Variants in MARCHF1 observed in about 807,000 individuals in gnomAD.
MARCHF1 encodes E3 ubiquitin-protein ligase MARCHF1.
A neutral mutation model predicts 54.2 loss-of-function variants in MARCHF1; 40 were observed. The observed-to-expected ratio is 0.74, with a 90% CI of 0.57 to 0.96. MARCHF1 has a LOEUF of 0.96. Among genes scored for constraint, MARCHF1 ranks in the 40% least tolerant of loss-of-function variants. The pLI is 0.00. For synonymous variants in MARCHF1, 236 were observed against 236.3 expected (o/e 1.00, Z 0.01); for missense variants, 586 against 656.5 (o/e 0.89, Z 1.17).
intron 1 of MARCHF1, chr4:164,197,420 C>A: frequency 2.5e-6 from 4 of 1,613,468 alleles, no homozygotes; most frequent in Non-Finnish European, 3.4e-6. Context: ...GTGCTGAGGT[C>A]TTTAATTTTG....
chr4:164,106,639 A>T (rs1182720131), intron 2 of MARCHF1, among the ~76,000 whole-genome samples: 1 of 149,028 alleles, frequency 6.7e-6, no homozygotes, highest in East Asian at 2.0e-4. Context: ...GGGGGGAGGG[A>T]TAACATCGGG....
chr4:163,836,005 C>A, intron 4 of MARCHF1, among the ~76,000 whole-genome samples: 1 of 152,044 alleles, frequency 6.6e-6, no homozygotes, highest in Non-Finnish European at 1.5e-5. Context: ...AGAAAATGAA[C>A]CGGACTCAGC....
chr4:164,352,673 A>T (rs1461219308), intron 1 of MARCHF1, among the ~76,000 whole-genome samples: 5 of 150,616 alleles, frequency 3.3e-5, no homozygotes, highest in Non-Finnish European at 7.4e-5. Context: ...AAATGTAAAG[A>T]CCATCGAGGC....
At chr4:164,133,864 G>A (rs181887614) in intron 1 of MARCHF1, among the ~76,000 whole-genome samples, 1 of 152,238 alleles carries the variant, frequency 6.6e-6, no homozygotes, top group East Asian at 1.9e-4. Context: ...TAGGTCTGAA[G>A]AGAATCTGAT....
rs992577183 is a variant in MARCHF1 at position 164,143,993 on chromosome 4, G to A, written c.-322-32331C>T. On this transcript the variant is annotated intron_variant, in intron 1 of 9. Coordinates refer to ENST00000514618, the MANE Select transcript of MARCHF1 (RefSeq NM_001394959.1). ...ATGGAAGAAGATCTACCAAGCAAAT[G>A]GAAAACAAAAAGGCAGGGGTTGCAA... 4.6e-5 allele frequency among the ~76,000 whole-genome samples: 7 copies of A among 152,108 alleles called. No individual in the cohort carries two copies. The South Asian group carries it at 6.2e-4, about 14-fold the overall frequency.
chr4:163,866,010 A>G (rs909749275), intron 3 of MARCHF1, among the ~76,000 whole-genome samples: 1 of 151,550 alleles, frequency 6.6e-6, no homozygotes, highest in Admixed American at 6.6e-5. Flanking sequence ...AACCAAAGAG[A>G]TATTTTTATC....
At chr4:163,591,227 C>G (rs1055570752) in intron 7 of MARCHF1, among the ~76,000 whole-genome samples, 2 of 151,896 alleles carry the variant, frequency 1.3e-5, no homozygotes, top group African/African-American at 2.4e-5. Context: ...ATTGCATTCT[C>G]TATATTAAAG....
At chr4:163,725,168 T>A (rs1420574672) in intron 4 of MARCHF1, among the ~76,000 whole-genome samples, 1 of 152,180 alleles carries the variant, frequency 6.6e-6, no homozygotes, top group Non-Finnish European at 1.5e-5. Flanking sequence ...TATTAATTTA[T>A]AATGGCTCTA....
chr4:164,286,919 T>A (rs1734165231), intron 1 of MARCHF1, among the ~76,000 whole-genome samples: 1 of 149,754 alleles, frequency 6.7e-6, no homozygotes, highest in Admixed American at 6.7e-5. Flanking sequence ...AAAGATTACA[T>A]CCATGCTGCA....
At chr4:164,094,846 C>A (rs991509965) in intron 2 of MARCHF1, among the ~76,000 whole-genome samples, 2 of 151,988 alleles carry the variant, frequency 1.3e-5, no homozygotes, top group Non-Finnish European at 2.9e-5. Context: ...CATCTGACTG[C>A]TAAAAGTAAT....
rs1322862680 is a variant in MARCHF1, at chr4:164,349,568, A to G, written c.-323+34302T>C. Among the ~76,000 whole-genome samples, 4 of 152,158 alleles carry G rather than the reference A, an allele frequency of 2.6e-5. No homozygotes were observed. The East Asian group carries it at 7.7e-4, about 29-fold the overall frequency. On this transcript the variant is annotated intron_variant, in intron 1 of 9. Transcript: ENST00000514618. ...GTATTTGTCCAATATTATAGTTTTC[A>G]TGTCCTTTTATGGGAATGCTTCTGG...
chr4:164,366,955 C>T (rs903459596), intron 1 of MARCHF1, among the ~76,000 whole-genome samples: 8 of 151,870 alleles, frequency 5.3e-5, no homozygotes. Flanking sequence ...CAAACCACTG[C>T]AATATTGCAA....
At chr4:163,963,886 G>A (rs1019350867) in intron 3 of MARCHF1, among the ~76,000 whole-genome samples, 2 of 151,868 alleles carry the variant, frequency 1.3e-5, no homozygotes, top group African/African-American at 4.8e-5. Context: ...TCCAACTTTT[G>A]GAGTTCTCTA....
intron 1 of MARCHF1, among the ~76,000 whole-genome samples, chr4:164,352,700 C>T (rs1467073958): frequency 1.3e-5 from 2 of 149,362 alleles, no homozygotes; most frequent in African/African-American, 4.9e-5. Context: ...GAAACTGCAT[C>T]AACTAACGAG....
intron 4 of MARCHF1, among the ~76,000 whole-genome samples, chr4:163,822,189 G>A (rs919793784): frequency 1.3e-4 from 20 of 151,680 alleles, no homozygotes; most frequent in Non-Finnish European, 2.9e-4. Context: ...GAGACAAAAG[G>A]TTTGTATACT....
intron 5 of MARCHF1, among the ~76,000 whole-genome samples, chr4:163,683,379 C>T (rs1744169120): frequency 1.3e-5 from 2 of 152,036 alleles, no homozygotes; most frequent in African/African-American, 2.4e-5. Context: ...AAAGACCTGC[C>T]CCCATGATTC....
intron 1 of MARCHF1, among the ~76,000 whole-genome samples, chr4:164,267,328 G>C (rs1467421966): frequency 6.6e-6 from 1 of 152,076 alleles, no homozygotes; most frequent in Middle Eastern, 3.2e-3. Context: ...GAATAGAATA[G>C]AACAAAAGTA....
intron 4 of MARCHF1, among the ~76,000 whole-genome samples, chr4:163,703,330 CA>C (rs1304399866): frequency 2.6e-5 from 4 of 151,960 alleles, no homozygotes; most frequent in African/African-American, 9.7e-5. Flanking sequence ...ATTCTCTGCC[CA>C]GGGGGATTAA....
intron 1 of MARCHF1, among the ~76,000 whole-genome samples, chr4:164,145,593 T>G (rs151011440): frequency 0.19 from 28,927 of 151,974 alleles, 4,386 homozygotes; most frequent in African/African-American, 0.41. Context: ...CTCAATAGAT[T>G]CAGAAAAGGC....
Sources: gnomAD v4.1 joint callset for allele counts (sites outside exome capture counted in the v4.1 genomes callset) on GRCh38, gnomAD v4.1.1 for gene constraint, MANE v1.5 for transcripts, NCBI Gene and HGNC (gene_info 2026-07-23, HGNC 2026-07-21) for gene names.